SQSTM1: variants seen among roughly 807,000 people sequenced by gnomAD.
SQSTM1 encodes sequestosome-1.
Under a neutral mutation model 45.1 loss-of-function variants are expected in SQSTM1, and 36 were observed. The observed-to-expected ratio is 0.80, with a 90% confidence interval of 0.61 to 1.05. The LOEUF (loss-of-function observed/expected upper bound fraction) is 1.05. SQSTM1 is among the 50% of genes least tolerant of loss of function. The pLI is 0.00. For synonymous variants in SQSTM1, 290 were observed against 244.3 expected, an observed-to-expected ratio of 1.19 and a Z score of -1.74; for missense variants, 617 against 607.1, an observed-to-expected ratio of 1.02 and a Z score of -0.17.
upstream of SQSTM1, chr5:179,820,667 T>A (rs764777316): frequency 5.4e-5 from 22 of 404,354 alleles, no homozygotes; most frequent in Non-Finnish European, 9.7e-5. Context: ...CAGGGCCGGT[T>A]TCCTGGGGTC....
rs1491377464 is a variant in SQSTM1, at chr5:179,834,244, T to TG, written c.1165+468dup. ...GGTGTGGCAGGCAGCAGTGGGGGGG[T>TG]GGGGGGTGGGGACAGCTGACAGAAA... On this transcript the variant is annotated intron_variant, in intron 7 of 7. Coordinates refer to ENST00000389805, the MANE Select transcript of SQSTM1 (RefSeq NM_003900.5). Among the ~76,000 whole-genome samples, 54 of 28,216 alleles carry TG rather than the reference T, an allele frequency of 1.9e-3. 1 individual carries two copies. Among genetic ancestry groups the TG allele is most frequent in the African/African-American group, 0.01 (45 of 4,418 alleles). 18.5% of individuals were successfully genotyped at this position (28,216 alleles called of 152,430 possible).
chr5:179,831,944 C>T (rs1427901511), intron 5 of SQSTM1, among the ~76,000 whole-genome samples: 1 of 151,998 alleles, frequency 6.6e-6, no homozygotes, highest in Non-Finnish European at 1.5e-5. Context: ...CCACCACGCC[C>T]AGCTGATTTT....
chr5:179,818,319 AT>A (rs1757645196), upstream of SQSTM1, among the ~76,000 whole-genome samples: 1 of 152,172 alleles, frequency 6.6e-6, no homozygotes, highest in Non-Finnish European at 1.5e-5. Context: ...AGAGGAACTC[AT>A]CCCCTGTGTC....
chr5:179,809,909 G>T (rs976134945), intron 1 of SQSTM1, among the ~76,000 whole-genome samples: 4 of 151,964 alleles, frequency 2.6e-5, no homozygotes, highest in African/African-American at 4.8e-5. Flanking sequence ...CTCCCAAAGT[G>T]CTGGGATTAC....
At chr5:179,822,552 C>G (rs1417954530) in intron 1 of SQSTM1, 1 of 320,780 alleles carries the variant, frequency 3.1e-6, no homozygotes. Context: ...AAGTCTAAGG[C>G]CTTTGTGGGG....
chr5:179,827,587 A>T (rs1400083644), intron 5 of SQSTM1, among the ~76,000 whole-genome samples: 5 of 152,192 alleles, frequency 3.3e-5, no homozygotes, highest in African/African-American at 1.2e-4. Flanking sequence ...CCCGGCCCTC[A>T]GATGTCTTTG....
In SQSTM1 at chr5:179,837,821, G is replaced by A. The variant is rs1296355437; in HGVS notation, c.*1228G>A. 2 of 1,613,356 alleles carry A rather than the reference G, an allele frequency of 1.2e-6. No homozygotes were observed. Among genetic ancestry groups the A allele is most frequent in the African/African-American group, 1.3e-5 (1 of 75,068 alleles). Reference sequence around the variant, plus strand: ...CCTCAGCTCCCCGGCACTGCAGTCTGCAGAGTTCTCCTGGAGGCAGGGGCT... The same window carrying A: ...CCTCAGCTCCCCGGCACTGCAGTCTACAGAGTTCTCCTGGAGGCAGGGGCT... On this transcript the variant is annotated 3_prime_UTR_variant, in exon 8 of 8. Transcript: ENST00000389805.
At chr5:179,834,066 T>C (rs1447962252) in intron 7 of SQSTM1, among the ~76,000 whole-genome samples, 3 of 151,178 alleles carry the variant, frequency 2.0e-5, no homozygotes, top group African/African-American at 4.9e-5. Context: ...AGACCAGGAA[T>C]TAAGGCAGGT....
intron 2 of SQSTM1, chr5:179,823,445 CAAAAAAAAAAAAAAAAAA>C (rs59899831): frequency 1.4e-3 from 78 of 55,900 alleles, no homozygotes; most frequent in East Asian, 3.3e-3. Flanking sequence ...GCCTAGGCGA[CAAAAAAAAAAAAAAAAAA>C]AAAAAAAAAA....
chr5:179,828,870 T>C (rs904329996), intron 5 of SQSTM1, among the ~76,000 whole-genome samples: 6 of 152,028 alleles, frequency 3.9e-5, no homozygotes, highest in African/African-American at 7.2e-5. Flanking sequence ...AAGACAAAGA[T>C]GTGATCAGAT....
Position 179,811,310 on chromosome 5 carries a change from T to G in SQSTM1, c.-156-264T>G, listed in dbSNP as rs1018969275. Reference sequence around the variant, plus strand: ...GAACTGGGTAGAGCCACAGAAGCTCTGCAGGGGGGAGGAGCTTTGCAGGGG... The same window carrying G: ...GAACTGGGTAGAGCCACAGAAGCTCGGCAGGGGGGAGGAGCTTTGCAGGGG... On this transcript the variant is annotated intron_variant, in intron 1 of 5. Coordinates refer to the SQSTM1 transcript ENST00000514093. 2.1e-5 allele frequency among the ~76,000 whole-genome samples: 3 copies of G among 140,168 alleles called. No homozygotes were observed. The Admixed American group carries it at 2.3e-4, about 11-fold the overall frequency. 92.0% of individuals were successfully genotyped at this position (140,168 alleles called of 152,430 possible).
At chr5:179,812,256 G>GC (rs1178523752) in intron 2 of SQSTM1, 1 of 152,296 alleles carries the variant, frequency 6.6e-6, no homozygotes, top group Non-Finnish European at 1.5e-5. Flanking sequence ...CGGCATGAGG[G>GC]CCCCCACTGG....
At chr5:179,825,530 C>T (rs943676979) in intron 5 of SQSTM1, among the ~76,000 whole-genome samples, 1 of 152,190 alleles carries the variant, frequency 6.6e-6, no homozygotes, top group Non-Finnish European at 1.5e-5. Context: ...TGACTGCCCT[C>T]CTTTGGATGA....
chr5:179,836,931 G>T lies in SQSTM1; in HGVS notation c.*338G>T. ...CCTAATGGCTTTCACTTTCTCTTTT[G>T]TTTTAAATGACTCATAGGTCCCTGA... On this transcript the variant is annotated 3_prime_UTR_variant, in exon 8 of 8. Coordinates refer to ENST00000389805, the MANE Select transcript of SQSTM1 (RefSeq NM_003900.5). 1.6e-6 allele frequency: 1 copy of T among 606,904 alleles called. No homozygotes were observed. 37.6% of individuals were successfully genotyped at this position (606,904 alleles called of 1,614,324 possible). A position where few individuals can be genotyped will look rare whatever the true frequency, so the allele number is the denominator to read the frequency against.
chr5:179,824,010 A>G lies in SQSTM1; in HGVS notation c.454A>G (p.Ser152Gly). ...CGTCTGCCCAGACTACGACTTGTGT[A>G]GCGTCTGCGAGGGAAAGGGCTTGCA... Reference protein sequence around the residue: ...CSVCPDYDLCSVCEGKGLHRG... With the variant: ...CSVCPDYDLCGVCEGKGLHRG... Residue 152 changes from serine to glycine, a missense_variant, in exon 3 of 8, where the codon AGC becomes GGC. Physicochemically the swap from Ser to Gly is moderately conservative, Grantham distance 56 (BLOSUM62 0). Coordinates refer to ENST00000389805, the MANE Select transcript of SQSTM1 (RefSeq NM_003900.5). The G allele has an allele frequency of 6.2e-7, 1 of 1,614,006 alleles. No homozygotes were observed. Among genetic ancestry groups the G allele is most frequent in the Non-Finnish European group, 8.5e-7 (1 of 1,180,040 alleles).
rs745599933 is a variant in SQSTM1 at position 179,837,505 on chromosome 5, G to A, written c.*912G>A. On this transcript the variant is annotated 3_prime_UTR_variant, in exon 8 of 8. Transcript: ENST00000389805. ...CACCCTCTGCCCAGGGAGTCCTTGC[G>A]TCCCATGAGGTCTTCCCGCAAGGCC... is the stretch of plus-strand genomic sequence containing the variant. 45 of 1,614,188 alleles carry A rather than the reference G, an allele frequency of 2.8e-5. 1 individual carries two copies. Among genetic ancestry groups the A allele is most frequent in the Admixed American group, 3.3e-5 (2 of 60,032 alleles).
rs1178519592 is a variant in SQSTM1, at chr5:179,837,444, T to C, written c.*851T>C. 1 of 1,610,908 alleles carries C rather than the reference T, an allele frequency of 6.2e-7. No homozygotes were observed. The highest frequency in any genetic ancestry group is 8.5e-7 in the Non-Finnish European group (1 of 1,178,090). ...GTTATAAAGAGGTCACATAGTCGTG[T>C]GGGTCGAGGATTCTGTGCCTCCAGG... On this transcript the variant is annotated 3_prime_UTR_variant, in exon 8 of 8. Coordinates refer to ENST00000389805, the MANE Select transcript of SQSTM1 (RefSeq NM_003900.5).
Position 179,820,945 on chromosome 5 carries a change from G to C in SQSTM1, c.9G>C (p.Ser3=), listed in dbSNP as rs527309027. The C allele has an allele frequency of 3.9e-6, 6 of 1,553,064 alleles. No individual in the cohort carries two copies. The highest frequency in any genetic ancestry group is 4.3e-6 in the Non-Finnish European group (5 of 1,155,548). Residue 3 remains serine, a synonymous_variant, in exon 1 of 8, where the codon TCG becomes TCC. Coordinates refer to ENST00000389805, the MANE Select transcript of SQSTM1 (RefSeq NM_003900.5). ...CCAGCTCGCCGCTCGCTATGGCGTC[G>C]CTCACCGTGAAGGCCTACCTTCTGG... MA[S]LTVKAYLLGK... is the part of the protein sequence containing the mutation.
chr5:179,823,916 C>A lies in SQSTM1; in HGVS notation c.360C>A (p.Asn120Lys). 1 of 1,613,798 alleles carries A rather than the reference C, an allele frequency of 6.2e-7. No individual in the cohort carries two copies. Among genetic ancestry groups the A allele is most frequent in the East Asian group, 2.2e-5 (1 of 44,882 alleles). The change falls in exon 3 of 8, where the codon AAC (asparagine) becomes AAA (lysine). Residue 120 changes from asparagine to lysine, a missense_variant. By Grantham distance (94) the Asn-to-Lys change is moderately conservative. Coordinates refer to ENST00000389805, the MANE Select transcript of SQSTM1 (RefSeq NM_003900.5). ...RPPCAQEAPRNMVHPNVICDG... is the reference protein window; with the variant it reads ...RPPCAQEAPRKMVHPNVICDG... ...CGTGTGCTCAGGAGGCGCCCCGCAA[C>A]ATGGTGCACCCCAATGTGATCTGCG...
Sources: gnomAD v4.1 joint callset for allele counts (sites outside exome capture counted in the v4.1 genomes callset) on GRCh38, gnomAD v4.1.1 for gene constraint, MANE v1.5 for transcripts, NCBI Gene and HGNC (gene_info 2026-07-23, HGNC 2026-07-21) for gene names.